The following HDAC9 variants were observed in gnomAD, a reference collection of about 807,000 sequenced individuals.
HDAC9 encodes the protein histone deacetylase 9, also known as MEF-2 interacting transcription repressor (MITR) protein.
Under a neutral mutation model 139.4 loss-of-function variants are expected in HDAC9, and 41 were observed. The observed-to-expected ratio is 0.29, with a 90% CI of 0.23 to 0.38. HDAC9 has a LOEUF of 0.38. Ranked by LOEUF, HDAC9 falls within the 10% of genes least tolerant of loss-of-function variation. HDAC9 has a pLI of 1.00. For missense variants in HDAC9, 1,147 were observed against 1,297.0 expected, an observed-to-expected ratio of 0.88 and a Z score of 1.78; for synonymous variants, 517 against 476.2, an observed-to-expected ratio of 1.09 and a Z score of -1.12.
At chr7:18,781,111 G>A (rs896394813) in intron 16 of HDAC9, among the ~76,000 whole-genome samples, 8 of 151,922 alleles carry the variant, frequency 5.3e-5, no homozygotes, top group Admixed American at 2.6e-4. Flanking sequence ...CTGTTCATGC[G>A]CATCCCTGCT....
chr7:18,401,190 T>C, intron 1 of HDAC9, among the ~76,000 whole-genome samples: 1 of 152,234 alleles, frequency 6.6e-6, no homozygotes, highest in East Asian at 1.9e-4. Context: ...TAAAGTGTGA[T>C]ATAATTGTGA....
At chr7:18,725,883 T>A (rs565483835) in intron 12 of HDAC9, among the ~76,000 whole-genome samples, 1 of 152,146 alleles carries the variant, frequency 6.6e-6, no homozygotes, top group African/African-American at 2.4e-5. Context: ...TATAAACCAT[T>A]GTAGCTAGAA....
At chr7:18,973,676 T>A (rs537650014) in intron 24 of HDAC9, among the ~76,000 whole-genome samples, 1 of 152,302 alleles carries the variant, frequency 6.6e-6, no homozygotes, top group South Asian at 2.1e-4. Context: ...GCCCTGGGAA[T>A]GGAACTGTCA....
In HDAC9 at chr7:18,732,931, A is replaced by ATGTGTATACACACGTGTG. The variant is rs1491192322; in HGVS notation, c.1909+5177_1909+5178insGTATACACACGTGTGTGT. 8.0e-5 allele frequency among the ~76,000 whole-genome samples: 6 copies of ATGTGTATACACACGTGTG among 74,730 alleles called. 2 individuals are homozygous for ATGTGTATACACACGTGTG. The highest frequency in any genetic ancestry group is 2.3e-4 in the Admixed American group (2 of 8,664). 49.0% of individuals were successfully genotyped at this position (74,730 alleles called of 152,430 possible). A position where few individuals can be genotyped will look rare whatever the true frequency, so the allele number is the denominator to read the frequency against. On this transcript the variant is annotated intron_variant, in intron 13 of 25. Coordinates refer to ENST00000686413, the MANE Select transcript of HDAC9 (RefSeq NM_178425.4). ...TGCGTATGTGTATACACACGTGTGT[A>ATGTGTATACACACGTGTG]TGTATGTGTATACACACGTGTATGT... is the stretch of plus-strand genomic sequence containing the variant.
chr7:18,325,891 A>G lies in HDAC9; in HGVS notation c.-42+35376A>G, dbSNP rs924533184. ...GTCTGTAGCCTAGGAACAATAGGCT[A>G]TACCAGATAGCCAAGTTATACCATC... On this transcript the variant is annotated intron_variant, in intron 1 of 3. Transcript: ENST00000413509. Among the ~76,000 whole-genome samples, 3 of 152,234 alleles carry G rather than the reference A, an allele frequency of 2.0e-5. No individual in the cohort carries two copies. In the East Asian group the frequency reaches 5.8e-4, roughly 29 times the overall value.
chr7:18,350,950 A>C (rs1782800446), intron 1 of HDAC9, among the ~76,000 whole-genome samples: 1 of 152,138 alleles, frequency 6.6e-6, no homozygotes, highest in Non-Finnish European at 1.5e-5. Flanking sequence ...TGCTTGGTGC[A>C]AGAACATTGT....
chr7:18,242,862 GA>G (rs1206165091), intron 2 of HDAC9, among the ~76,000 whole-genome samples: 6 of 151,994 alleles, frequency 3.9e-5, no homozygotes, highest in South Asian at 2.1e-4. Context: ...GGTCTTACTA[GA>G]AAAAAAATAT....
chr7:18,502,420 G>C (rs1798638743), intron 2 of HDAC9: 1 of 152,186 alleles, frequency 6.6e-6, no homozygotes, highest in Non-Finnish European at 1.5e-5. Flanking sequence ...CTATTGGGAA[G>C]AACCAAGAAG....
intron 16 of HDAC9, 179 bp from the exon 17 acceptor site, chr7:18,793,166 C>T (rs1792479833): frequency 3.4e-6 from 2 of 589,200 alleles, no homozygotes; most frequent in African/African-American, 3.7e-5. Context: ...TTCAGCTGGC[C>T]AAGACGGAAG....
chr7:18,605,710 T>C (rs1835275334), intron 6 of HDAC9, among the ~76,000 whole-genome samples: 1 of 152,008 alleles, frequency 6.6e-6, no homozygotes, highest in Non-Finnish European at 1.5e-5. Context: ...AGACAGAGTC[T>C]TGTTCTGTCG....
At chr7:18,791,413 T>A (rs1792299996) in intron 16 of HDAC9, among the ~76,000 whole-genome samples, 1 of 152,204 alleles carries the variant, frequency 6.6e-6, no homozygotes, top group South Asian at 2.1e-4. Context: ...ATATAATACA[T>A]GGTAAATAAT....
At chr7:18,578,394 A>C (rs1390552449) in intron 2 of HDAC9, among the ~76,000 whole-genome samples, 1 of 152,102 alleles carries the variant, frequency 6.6e-6, no homozygotes, top group Non-Finnish European at 1.5e-5. Flanking sequence ...ATGTTACCCA[A>C]AGAAAACTTC....
chr7:18,302,752 A>ATAGAC (rs1415854089), intron 1 of HDAC9, among the ~76,000 whole-genome samples: 1 of 152,214 alleles, frequency 6.6e-6, no homozygotes, highest in African/African-American at 2.4e-5. Flanking sequence ...TCTAGAAGGC[A>ATAGAC]TAGACAGTGT....
chr7:18,936,012 A>G (rs1563069895), intron 23 of HDAC9, 70 bp downstream of exon 23: 1 of 1,282,674 alleles, frequency 7.8e-7, no homozygotes, highest in East Asian at 2.6e-5. Context: ...TTTTTAAACT[A>G]AAAAAAAATT....
chr7:18,896,211 A>G lies in HDAC9; in HGVS notation c.2803+21615A>G, dbSNP rs1285372990. 2.0e-5 allele frequency among the ~76,000 whole-genome samples: 3 copies of G among 152,122 alleles called. No homozygotes were observed. The East Asian group carries it at 5.8e-4, about 29-fold the overall frequency. On this transcript the variant is annotated intron_variant, in intron 22 of 25. Transcript: ENST00000686413. ...GTTTCAAAAATGGACAAATATTTAT[A>G]TTTATGCTTAAGATAAAAATATAGA...
intron 22 of HDAC9, among the ~76,000 whole-genome samples, chr7:18,885,858 T>G (rs955343169): frequency 2.0e-5 from 3 of 152,198 alleles, no homozygotes; most frequent in Admixed American, 1.3e-4. Context: ...TGGAGCATTT[T>G]TCACAAGAAC....
chr7:18,777,335 C>A (rs1211482403), intron 16 of HDAC9, among the ~76,000 whole-genome samples: 1 of 3,562 alleles, frequency 2.8e-4, no homozygotes, highest in South Asian at 0.042. Context: ...ATGACCTTTG[C>A]AAGTGGGTTG....
chr7:18,356,623 C>T (rs1359652926), intron 1 of HDAC9, among the ~76,000 whole-genome samples: 1 of 152,014 alleles, frequency 6.6e-6, no homozygotes, highest in East Asian at 1.9e-4. Flanking sequence ...TCAGTTGAAA[C>T]TTTCACAACC....
intron 2 of HDAC9, among the ~76,000 whole-genome samples, chr7:18,284,966 G>A (rs1223890093): frequency 6.6e-6 from 1 of 152,130 alleles, no homozygotes; most frequent in Non-Finnish European, 1.5e-5. Flanking sequence ...TTAAAGTTGG[G>A]TGGATTTCAC....
Sources: gnomAD v4.1 joint callset for allele counts (sites outside exome capture counted in the v4.1 genomes callset) on GRCh38, gnomAD v4.1.1 for gene constraint, MANE v1.5 for transcripts, NCBI Gene and HGNC (gene_info 2026-07-23, HGNC 2026-07-21) for gene names.